The following TLN2 variants were observed in gnomAD, a reference collection of about 807,000 sequenced individuals.
TLN2 encodes the protein talin-2.
A neutral mutation model predicts 294.7 loss-of-function variants in TLN2; 118 were observed. The observed-to-expected ratio is 0.40, with a 90% CI of 0.34 to 0.47. The LOEUF (loss-of-function observed/expected upper bound fraction) is 0.47, where lower values mean the gene tolerates loss of function less well. TLN2 is among the 20% of genes least tolerant of loss of function. The probability of loss-of-function intolerance (pLI) is 0.84; values close to 1 mark genes in which losing one functional copy is unlikely to be tolerated. For synonymous variants in TLN2, 1,431 were observed against 1,304.5 expected, an observed-to-expected ratio of 1.10 and a Z score of -2.09; for missense variants, 3,083 against 3,282.2, an observed-to-expected ratio of 0.94 and a Z score of 1.48.
At chr15:62,588,026 G>A (rs1341342082) in intron 1 of TLN2, among the ~76,000 whole-genome samples, 6 of 151,910 alleles carry the variant, frequency 3.9e-5, no homozygotes, top group South Asian at 2.1e-4. Context: ...GACTACAGGC[G>A]CCCACCACCA....
chr15:62,791,877 G>A (rs767608210), intron 45 of TLN2, among the ~76,000 whole-genome samples: 1 of 152,236 alleles, frequency 6.6e-6, no homozygotes, highest in South Asian at 2.1e-4. Flanking sequence ...AGTGGAATTT[G>A]TTACACCTTA....
At chr15:62,698,203 G>A (rs1204838998) in intron 15 of TLN2, among the ~76,000 whole-genome samples, 1 of 152,166 alleles carries the variant, frequency 6.6e-6, no homozygotes, top group Non-Finnish European at 1.5e-5. Flanking sequence ...GTGATTTTGA[G>A]GTTTCACGCT....
At chr15:62,535,142 T>C (rs920452276) in intron 1 of TLN2, among the ~76,000 whole-genome samples, 1 of 152,198 alleles carries the variant, frequency 6.6e-6, no homozygotes. Flanking sequence ...GGGAGCCACA[T>C]TCCTTTGTGT....
intron 38 of TLN2, 89 bp from the exon 39 acceptor site, chr15:62,762,183 G>A: frequency 7.0e-7 from 1 of 1,433,048 alleles, no homozygotes; most frequent in Non-Finnish European, 9.7e-7. Flanking sequence ...CAGAGGTGGT[G>A]ATTTGGCAAA....
chr15:62,565,129 C>A (rs533779176), intron 1 of TLN2, among the ~76,000 whole-genome samples: 2 of 152,090 alleles, frequency 1.3e-5, no homozygotes, highest in South Asian at 4.2e-4. Context: ...ACCCCAGAGT[C>A]TGCATGCTGG....
chr15:62,730,116 C>T (rs748842082), intron 28 of TLN2, among the ~76,000 whole-genome samples: 2 of 143,764 alleles, frequency 1.4e-5, no homozygotes, highest in Non-Finnish European at 3.0e-5. Flanking sequence ...GCAACCTCTG[C>T]TTCCTGGGTT....
At chr15:62,679,861 A>G (rs1339237708) in intron 11 of TLN2, among the ~76,000 whole-genome samples, 5 of 152,140 alleles carry the variant, frequency 3.3e-5, no homozygotes, top group African/African-American at 1.2e-4. Flanking sequence ...GTTCCATGCA[A>G]TTTTATCATA....
At chr15:62,660,809 T>C (rs2053733732) in intron 9 of TLN2, among the ~76,000 whole-genome samples, 1 of 152,230 alleles carries the variant, frequency 6.6e-6, no homozygotes, top group South Asian at 2.1e-4. Context: ...TATATACTAA[T>C]TCCTTGCTGT....
At chr15:62,418,729 CAG>C (rs914035929) in intron 1 of TLN2, among the ~76,000 whole-genome samples, 1 of 152,082 alleles carries the variant, frequency 6.6e-6, no homozygotes. Flanking sequence ...GTTTTGCTGG[CAG>C]GGGCTGGATC....
At chr15:62,754,241 C>T (rs745631363) in intron 36 of TLN2, 2 of 195,074 alleles carry the variant, frequency 1.0e-5, no homozygotes, top group African/African-American at 2.3e-5. Context: ...GTTCAATGTG[C>T]GCAGGGCTCC....
chr15:62,733,517 T>A (rs1318916505), intron 28 of TLN2, among the ~76,000 whole-genome samples: 1 of 152,196 alleles, frequency 6.6e-6, no homozygotes. Flanking sequence ...TATATTTCTG[T>A]ATAGCTGATT....
intron 9 of TLN2, among the ~76,000 whole-genome samples, chr15:62,668,484 T>G (rs1567306477): frequency 6.6e-6 from 1 of 152,216 alleles, no homozygotes; most frequent in African/African-American, 2.4e-5. Context: ...TGGGCATTTC[T>G]ATAAAACTCA....
rs530839399 is a variant in TLN2, at chr15:62,589,727, G to A, written c.-197G>A. The A allele has an allele frequency of 5.8e-4, 89 of 152,316 alleles. No individual in the cohort carries two copies. The highest frequency in any genetic ancestry group is 2.1e-3 in the African/African-American group (88 of 41,566). The allele number at this position is 152,316 out of a possible 1,614,324, so 9.4% of individuals were successfully genotyped here. A position where few individuals can be genotyped will look rare whatever the true frequency, so the allele number is the denominator to read the frequency against. ...TCTCACATGCTTTGGGATATCTTCA[G>A]GGAAATACGCTCTTAATAGAAACTG... On this transcript the variant is annotated 5_prime_UTR_variant, in exon 2 of 59. Coordinates refer to ENST00000636159, the MANE Select transcript of TLN2 (RefSeq NM_015059.3).
intron 40 of TLN2, among the ~76,000 whole-genome samples, chr15:62,765,010 A>G (rs2062908378): frequency 7.2e-6 from 1 of 139,610 alleles, no homozygotes; most frequent in Non-Finnish European, 1.5e-5. Context: ...GATGACCAGC[A>G]CCCCAGAAGC....
chr15:62,400,349 T>G (rs2032930641), intron 1 of TLN2, among the ~76,000 whole-genome samples: 1 of 152,240 alleles, frequency 6.6e-6, no homozygotes, highest in Admixed American at 6.5e-5. Flanking sequence ...AGTTAGAATC[T>G]CAGTCAAGGG....
At chr15:62,495,705 G>A (rs1182181044) in intron 1 of TLN2, among the ~76,000 whole-genome samples, 1 of 152,198 alleles carries the variant, frequency 6.6e-6, no homozygotes, top group Non-Finnish European at 1.5e-5. Flanking sequence ...CACCTGGAGA[G>A]GGTAGACTTA....
At position 62,400,812 on chromosome 15, in the gene TLN2, G is replaced by GTTT. The variant is rs11369905; in HGVS notation, c.-238+10146_-238+10148dup. Among the ~76,000 whole-genome samples the GTTT allele has an allele frequency of 4.2e-4, 50 of 119,450 alleles. 1 individual carries two copies. The highest frequency in any genetic ancestry group is 1.0e-3 in the African/African-American group (33 of 31,786). 78.4% of individuals were successfully genotyped at this position (119,450 alleles called of 152,430 possible). ...TGTCAGCAAAGGGGTTATGTTTCCG[G>GTTT]TTTTTTTTTTTTTTTTTTTTTGAAG... is the stretch of plus-strand genomic sequence containing the variant. On this transcript the variant is annotated intron_variant, in intron 1 of 58. Coordinates refer to ENST00000636159, the MANE Select transcript of TLN2 (RefSeq NM_015059.3).
intron 1 of TLN2, among the ~76,000 whole-genome samples, chr15:62,482,254 T>A (rs1034978405): frequency 4.6e-5 from 7 of 152,262 alleles, no homozygotes; most frequent in African/African-American, 1.7e-4. Context: ...TATGGACAAT[T>A]CTATAGAATT....
chr15:62,716,756 T>C (rs1401189098), intron 23 of TLN2, among the ~76,000 whole-genome samples: 11 of 152,122 alleles, frequency 7.2e-5, no homozygotes, highest in Admixed American at 3.3e-4. Flanking sequence ...TTGCTGAAAA[T>C]ATTTATATTT....
Sources: allele counts gnomAD v4.1 joint callset (sites outside exome capture counted in the v4.1 genomes callset), GRCh38; gene constraint gnomAD v4.1.1; transcripts MANE v1.5; gene names NCBI Gene and HGNC (gene_info 2026-07-23, HGNC 2026-07-21).